The following PDE3A variants were observed in gnomAD, a reference collection of about 807,000 sequenced individuals.
The protein encoded by PDE3A is cGMP-inhibited 3',5'-cyclic phosphodiesterase 3A.
In PDE3A, 43 loss-of-function variants were observed where a neutral mutation model predicts 98.3. The ratio of observed to expected loss-of-function variants is 0.44; its 90% CI spans 0.34 to 0.56. The LOEUF (loss-of-function observed/expected upper bound fraction) is 0.56. Ranked by LOEUF, PDE3A falls within the 20% of genes least tolerant of loss-of-function variation. The pLI is 0.01. For missense variants in PDE3A, 1,427 were observed against 1,440.7 expected (o/e 0.99, Z 0.15); for synonymous variants, 663 against 567.9 (o/e 1.17, Z -2.38).
At chr12:20,374,904 C>T (rs1287105292) in intron 1 of PDE3A, among the ~76,000 whole-genome samples, 1 of 151,920 alleles carries the variant, frequency 6.6e-6, no homozygotes, top group Non-Finnish European at 1.5e-5. Flanking sequence ...GTGAGTTATA[C>T]TGTCCTGGAT....
chr12:20,560,700 A>C (rs1396439854), intron 2 of PDE3A, among the ~76,000 whole-genome samples: 1 of 152,200 alleles, frequency 6.6e-6, no homozygotes, highest in Non-Finnish European at 1.5e-5. Context: ...AATTACTGGC[A>C]GATGAAAAGA....
At chr12:20,591,719 G>A (rs189581374) in intron 2 of PDE3A, among the ~76,000 whole-genome samples, 34 of 152,172 alleles carry the variant, frequency 2.2e-4, no homozygotes, top group Admixed American at 3.3e-4. Context: ...CCTACCCAGA[G>A]AATTCAGGTT....
At chr12:20,605,956 T>G (rs947683496) in intron 2 of PDE3A, among the ~76,000 whole-genome samples, 3 of 152,018 alleles carry the variant, frequency 2.0e-5, no homozygotes, top group African/African-American at 7.3e-5. Context: ...CCTATTTAAT[T>G]AAGTTATCAA....
At chr12:20,509,913 G>A (rs539408322) in intron 1 of PDE3A, among the ~76,000 whole-genome samples, 59 of 152,024 alleles carry the variant, frequency 3.9e-4, no homozygotes, top group African/African-American at 1.0e-3. Flanking sequence ...TATTTATTAC[G>A]AAGCTGAAAA....
At chr12:20,664,048 G>C (rs532087980) in intron 15 of PDE3A, among the ~76,000 whole-genome samples, 9 of 152,160 alleles carry the variant, frequency 5.9e-5, no homozygotes, top group African/African-American at 1.9e-4. Flanking sequence ...GAGATCTAAT[G>C]GTTTTGTAAG....
chr12:20,381,496 G>A (rs1530446), intron 1 of PDE3A, among the ~76,000 whole-genome samples: 25,285 of 151,810 alleles, frequency 0.17, 2,284 homozygotes, highest in East Asian at 0.26. Context: ...AGAAGATGCT[G>A]AGAGAGACAC....
chr12:20,535,939 T>C (rs1369265506), intron 1 of PDE3A, among the ~76,000 whole-genome samples: 2 of 152,102 alleles, frequency 1.3e-5, no homozygotes, highest in African/African-American at 4.8e-5. Context: ...AGGTGAACTA[T>C]AGTTTAAAAT....
At chr12:20,615,022 T>TC (rs1943970031) in intron 3 of PDE3A, among the ~76,000 whole-genome samples, 1 of 136,122 alleles carries the variant, frequency 7.3e-6, no homozygotes, top group African/African-American at 2.7e-5. Flanking sequence ...CTTTCTTTTT[T>TC]TTTTTTTTTT....
intron 1 of PDE3A, among the ~76,000 whole-genome samples, chr12:20,473,095 TCTTA>T (rs1945468901): frequency 6.6e-6 from 1 of 152,222 alleles, no homozygotes; most frequent in Non-Finnish European, 1.5e-5. Flanking sequence ...TCTGATTTCC[TCTTA>T]CTTCTAGTGA....
chr12:20,375,212 T>C (rs1363389657), intron 1 of PDE3A, among the ~76,000 whole-genome samples: 1 of 152,054 alleles, frequency 6.6e-6, no homozygotes, highest in Non-Finnish European at 1.5e-5. Context: ...CAGTCTCCTA[T>C]TCTTGCACCT....
intron 1 of PDE3A, among the ~76,000 whole-genome samples, chr12:20,453,173 C>CTTTTTTT (rs55780939): frequency 1.6e-5 from 2 of 124,612 alleles, no homozygotes; most frequent in Non-Finnish European, 1.6e-5. Context: ...CTTGATAATG[C>CTTTTTTT]TTTTTTTTTT....
intron 2 of PDE3A, among the ~76,000 whole-genome samples, chr12:20,575,612 C>T (rs572133926): frequency 2.0e-5 from 3 of 152,068 alleles, no homozygotes; most frequent in African/African-American, 7.2e-5. Flanking sequence ...TAATAGGTAA[C>T]ACATATTACT....
chr12:20,552,431 T>C lies in PDE3A; in HGVS notation c.961-4229T>C. On this transcript the variant is annotated intron_variant, in intron 1 of 15. Transcript: ENST00000359062. This position sits in a 1 kb window ranked among gnomAD's most constrained non-coding sequence, Gnocchi z 5.1. ...GAGGGGAAGGACCGGATCAAGAAGC[T>C]GGGGCTGACCATGCAGTATCCAGAA... 2.5e-6 allele frequency: 4 copies of C among 1,612,626 alleles called. No homozygotes were observed. Among genetic ancestry groups the C allele is most frequent in the Non-Finnish European group, 3.4e-6 (4 of 1,179,744 alleles).
chr12:20,636,146 A>G (rs1275687558), intron 8 of PDE3A, among the ~76,000 whole-genome samples: 1 of 152,172 alleles, frequency 6.6e-6, no homozygotes, highest in Non-Finnish European at 1.5e-5. Flanking sequence ...TTCTTGTCAT[A>G]TTGTCAGGCA....
intron 1 of PDE3A, among the ~76,000 whole-genome samples, chr12:20,397,744 T>C (rs1477619552): frequency 2.6e-5 from 4 of 152,086 alleles, no homozygotes; most frequent in African/African-American, 9.7e-5. Flanking sequence ...CCGTATATAT[T>C]TTAAAGATGG....
intron 1 of PDE3A, among the ~76,000 whole-genome samples, chr12:20,387,221 G>A (rs1041946956): frequency 6.6e-6 from 1 of 151,956 alleles, no homozygotes; most frequent in Non-Finnish European, 1.5e-5. Flanking sequence ...CTGCTGCTTT[G>A]TTCTTTTTGC....
intron 2 of PDE3A, among the ~76,000 whole-genome samples, chr12:20,575,577 G>C (rs764287003): frequency 2.0e-5 from 3 of 151,926 alleles, no homozygotes; most frequent in African/African-American, 7.2e-5. Flanking sequence ...GAACATTTGG[G>C]AATCTAACCT....
chr12:20,445,995 A>C (rs1248046409), intron 1 of PDE3A, among the ~76,000 whole-genome samples: 1 of 152,178 alleles, frequency 6.6e-6, no homozygotes, highest in Non-Finnish European at 1.5e-5. Context: ...ACAGCAGTGC[A>C]TGGAAACATG....
intron 1 of PDE3A, among the ~76,000 whole-genome samples, chr12:20,475,435 G>T (rs1276628948): frequency 2.0e-5 from 3 of 152,014 alleles, no homozygotes; most frequent in Non-Finnish European, 4.4e-5. Flanking sequence ...TTCATTAAAA[G>T]AATCTTGGGG....
Sources: allele counts gnomAD v4.1 joint callset (sites outside exome capture counted in the v4.1 genomes callset), GRCh38; gene constraint gnomAD v4.1.1; non-coding constraint Gnocchi (gnomAD v3.1); transcripts MANE v1.5; gene names NCBI Gene and HGNC (gene_info 2026-07-23, HGNC 2026-07-21).